IL1RAPL2: variants seen among roughly 807,000 people sequenced by gnomAD.
IL1RAPL2 encodes X-linked interleukin-1 receptor accessory protein-like 2.
A neutral mutation model predicts 44.1 loss-of-function variants in IL1RAPL2; 3 were observed. That is an observed-to-expected ratio of 0.07 (90% confidence interval 0.03 to 0.18). The LOEUF (loss-of-function observed/expected upper bound fraction) is 0.18. Among genes scored for constraint, IL1RAPL2 ranks in the 10% least tolerant of loss-of-function variants. IL1RAPL2 has a pLI of 1.00. For missense variants in IL1RAPL2, 391 were observed against 496.4 expected (o/e 0.79, Z 2.02); for synonymous variants, 181 against 178.8 (o/e 1.01, Z -0.10).
At chrX:105,075,709 T>C (rs1371209906) in intron 2 of IL1RAPL2, among the ~76,000 whole-genome samples, 2 of 112,126 alleles carry the variant, frequency 1.8e-5, no homozygotes, top group Non-Finnish European at 3.8e-5. Context: ...AATTATTGCC[T>C]CAATTTCAGA....
intron 10 of IL1RAPL2, among the ~76,000 whole-genome samples, chrX:105,766,542 AATT>A (rs2038731211): frequency 9.0e-6 from 1 of 111,406 alleles, no homozygotes; most frequent in African/African-American, 3.3e-5. Flanking sequence ...ATAAAAATAA[AATT>A]AAAGAAGAAA....
chrX:104,953,974 T>C (rs1394920748), intron 2 of IL1RAPL2, among the ~76,000 whole-genome samples: 1 of 111,819 alleles, frequency 8.9e-6, no homozygotes, highest in Non-Finnish European at 1.9e-5. Context: ...TAGACTGTGT[T>C]CCAGACTCAC....
At chrX:104,961,255 C>A (rs1271741917) in intron 2 of IL1RAPL2, among the ~76,000 whole-genome samples, 1 of 111,713 alleles carries the variant, frequency 9.0e-6, no homozygotes, top group Non-Finnish European at 1.9e-5. Context: ...AAGAAAGAAG[C>A]AGCCAGAGGT....
intron 7 of IL1RAPL2, among the ~76,000 whole-genome samples, chrX:105,737,864 T>C (rs1302131094): frequency 8.9e-6 from 1 of 111,816 alleles, no homozygotes; most frequent in Non-Finnish European, 1.9e-5. Context: ...GTTAGGTACA[T>C]GTTGGGAGAG....
chrX:104,736,719 T>A lies in IL1RAPL2; in HGVS notation c.82+77724T>A, dbSNP rs769296372. ...TCTGCTGAAGAACAAGAAATTAACTTCAGATTCTGACCAAATTTTTGCCAA... is the reference window on the plus strand; with the variant it reads ...TCTGCTGAAGAACAAGAAATTAACTACAGATTCTGACCAAATTTTTGCCAA... On this transcript the variant is annotated intron_variant, in intron 2 of 10. Transcript: ENST00000372582. Among the ~76,000 whole-genome samples, 8 of 112,353 alleles carry A rather than the reference T, an allele frequency of 7.1e-5. No homozygotes were observed. The South Asian group carries it at 2.9e-3, about 41-fold the overall frequency.
intron 6 of IL1RAPL2, among the ~76,000 whole-genome samples, chrX:105,656,627 C>A (rs913657240): frequency 8.9e-6 from 1 of 111,739 alleles, no homozygotes; most frequent in Admixed American, 9.5e-5. Context: ...AAGCAAGAGA[C>A]CATAAGCCCT....
chrX:105,240,851 G>A (rs2034164495), intron 4 of IL1RAPL2, among the ~76,000 whole-genome samples: 2 of 111,741 alleles, frequency 1.8e-5, no homozygotes, highest in Middle Eastern at 4.6e-3. Flanking sequence ...CTGGCTGGGC[G>A]TGGTAGCTAA....
intron 2 of IL1RAPL2, among the ~76,000 whole-genome samples, chrX:104,759,931 C>T (rs1932399617): frequency 8.9e-6 from 1 of 111,742 alleles, no homozygotes; most frequent in South Asian, 3.7e-4. Context: ...CATTAACCAT[C>T]TCCACCTCCC....
chrX:104,663,733 A>G (rs1930441422), intron 2 of IL1RAPL2, among the ~76,000 whole-genome samples: 1 of 105,434 alleles, frequency 9.5e-6, no homozygotes, highest in African/African-American at 3.5e-5. Flanking sequence ...GATATAGGAC[A>G]ATGTTTGGAG....
At chrX:104,725,462 G>A (rs1176238112) in intron 2 of IL1RAPL2, among the ~76,000 whole-genome samples, 2 of 111,804 alleles carry the variant, frequency 1.8e-5, no homozygotes, top group Admixed American at 9.5e-5. Flanking sequence ...TCACCACACT[G>A]TCTTCCACAA....
At chrX:105,618,996 G>A (rs1257462255) in intron 6 of IL1RAPL2, among the ~76,000 whole-genome samples, 1 of 111,128 alleles carries the variant, frequency 9.0e-6, no homozygotes, top group African/African-American at 3.3e-5. Flanking sequence ...AGGTATAAGG[G>A]AGGAAAAATA....
chrX:104,945,479 A>C (rs1925319552), intron 2 of IL1RAPL2, among the ~76,000 whole-genome samples: 1 of 111,188 alleles, frequency 9.0e-6, no homozygotes, highest in Non-Finnish European at 1.9e-5. Flanking sequence ...AAATGATCAA[A>C]TCCAGTACTT....
intron 1 of IL1RAPL2, among the ~76,000 whole-genome samples, chrX:104,606,683 G>C (rs1929019756): frequency 9.0e-6 from 1 of 111,036 alleles, no homozygotes; most frequent in South Asian, 3.8e-4. Flanking sequence ...CATCATGAGT[G>C]AACTCCCATT....
intron 6 of IL1RAPL2, among the ~76,000 whole-genome samples, chrX:105,494,923 T>A (rs971789665): frequency 7.1e-5 from 8 of 112,132 alleles, no homozygotes; most frequent in African/African-American, 2.6e-4. Flanking sequence ...CTACAGCTAG[T>A]AGTTTATGTT....
chrX:104,974,927 G>T (rs895614295), intron 2 of IL1RAPL2, among the ~76,000 whole-genome samples: 27 of 112,273 alleles, frequency 2.4e-4, no homozygotes, highest in African/African-American at 6.8e-4. Flanking sequence ...TGGCCCAGGG[G>T]CCTGCGAGTT....
At chrX:104,826,125 G>GT (rs1393219035) in intron 2 of IL1RAPL2, among the ~76,000 whole-genome samples, 2 of 111,631 alleles carry the variant, frequency 1.8e-5, no homozygotes, top group South Asian at 3.7e-4. Context: ...TTGTTTTTAT[G>GT]TTTTTTTATT....
intron 6 of IL1RAPL2, among the ~76,000 whole-genome samples, chrX:105,493,308 T>C (rs1184287709): frequency 8.9e-6 from 1 of 111,749 alleles, no homozygotes; most frequent in Non-Finnish European, 1.9e-5. Flanking sequence ...GGTCATTCGG[T>C]CATTCTATGT....
intron 2 of IL1RAPL2, among the ~76,000 whole-genome samples, chrX:104,991,334 C>T (rs1352620478): frequency 1.8e-5 from 2 of 111,419 alleles, no homozygotes; most frequent in Non-Finnish European, 3.8e-5. Context: ...ATGAGTTTGT[C>T]AAAGGGAAAT....
chrX:105,668,933 C>A (rs1228719136), intron 6 of IL1RAPL2, among the ~76,000 whole-genome samples: 1 of 111,342 alleles, frequency 9.0e-6, no homozygotes, highest in Non-Finnish European at 1.9e-5. Context: ...TTAACATAGA[C>A]CTCAAAAGGA....
Sources: gnomAD v4.1 joint callset for allele counts (sites outside exome capture counted in the v4.1 genomes callset) on GRCh38, gnomAD v4.1.1 for gene constraint, MANE v1.5 for transcripts, NCBI Gene and HGNC (gene_info 2026-07-23, HGNC 2026-07-21) for gene names.